Variants in ANKRD29 observed in about 807,000 individuals in gnomAD.
ANKRD29 encodes ankyrin repeat domain 29.
ANKRD29 carries 32 observed loss-of-function variants against 38.0 expected under a neutral mutation model. The ratio of observed to expected loss-of-function variants is 0.84; its 90% CI spans 0.64 to 1.13. The LOEUF (loss-of-function observed/expected upper bound fraction) is 1.13, where lower values mean the gene tolerates loss of function less well. Ranked by LOEUF, ANKRD29 falls within the 50% of genes most tolerant of loss-of-function variation. The pLI is 0.00. For missense variants in ANKRD29, 357 were observed against 377.9 expected (o/e 0.94, Z 0.46); for synonymous variants, 135 against 152.4 (o/e 0.89, Z 0.84).
At chr18:23,657,822 G>A (rs1179985152) in intron 1 of ANKRD29, among the ~76,000 whole-genome samples, 2 of 152,130 alleles carry the variant, frequency 1.3e-5, no homozygotes, top group African/African-American at 4.8e-5. Flanking sequence ...TGGACTAAAT[G>A]CTTGTGTTCC....
At chr18:23,634,278 G>GTTTTTTTTT (rs71163626) in intron 4 of ANKRD29, 129 bp from the exon 5 acceptor site, 15 of 373,182 alleles carry the variant, frequency 4.0e-5, no homozygotes, top group South Asian at 6.0e-5. Context: ...CACTTTCCCT[G>GTTTTTTTTT]TTTTTTTTTT....
Position 23,610,748 on chromosome 18 carries a change from T to TCACTG in ANKRD29, c.822+1339_822+1343dup, listed in dbSNP as rs112284850. Among the ~76,000 whole-genome samples the TCACTG allele has an allele frequency of 9.6e-3, 1,463 of 152,358 alleles. 23 individuals are homozygous for TCACTG. The highest frequency in any genetic ancestry group is 0.029 in the African/African-American group (1,223 of 41,588). On this transcript the variant is annotated intron_variant, in intron 9 of 9. Transcript: ENST00000592179. ...TGGATTGCAGTGGCGTGACCATGGC[T>TCACTG]CACTGCACCCTTGACCTCCTTGGCT... is the stretch of plus-strand genomic sequence containing the variant.
rs1348077159 is a variant in ANKRD29 at position 23,600,608 on chromosome 18, A to G, written c.*618T>C. 1 of 152,664 alleles carries G rather than the reference A, an allele frequency of 6.6e-6. No homozygotes were observed. Among genetic ancestry groups the G allele is most frequent in the Non-Finnish European group, 1.5e-5 (1 of 68,038 alleles). The allele number at this position is 152,664 out of a possible 1,614,324, so 9.5% of individuals were successfully genotyped here. On this transcript the variant is annotated 3_prime_UTR_variant, in exon 10 of 10. Transcript: ENST00000592179. ...AACAAATGCACAGTCTGTCTTTTCTATAGTTCAATAGTCCATCTTTGAATA... is the reference window on the plus strand; with the variant it reads ...AACAAATGCACAGTCTGTCTTTTCTGTAGTTCAATAGTCCATCTTTGAATA...
At chr18:23,629,353 T>C (rs2059900989) in intron 6 of ANKRD29, among the ~76,000 whole-genome samples, 1 of 152,244 alleles carries the variant, frequency 6.6e-6, no homozygotes, top group African/African-American at 2.4e-5. Context: ...GTAAATGAAG[T>C]CTCAACAGCA....
chr18:23,632,341 C>T (rs1598497876), intron 5 of ANKRD29, among the ~76,000 whole-genome samples: 2 of 151,830 alleles, frequency 1.3e-5, no homozygotes, highest in East Asian at 3.9e-4. Flanking sequence ...CCCCGCCCAT[C>T]CATATTTCAA....
Position 23,612,142 on chromosome 18 carries a change from T to G in ANKRD29, c.772A>C (p.Thr258Pro), listed in dbSNP as rs1162865378. 1 of 1,613,854 alleles carries G rather than the reference T, an allele frequency of 6.2e-7. No individual in the cohort carries two copies. The highest frequency in any genetic ancestry group is 8.5e-7 in the Non-Finnish European group (1 of 1,179,978). Residue 258 changes from threonine to proline, a missense_variant, in exon 9 of 10, where the codon ACA (threonine) becomes CCA (proline). Physicochemically the swap from Thr to Pro is conservative, Grantham distance 38. Transcript: ENST00000592179. ...HAAVLSGNIK[T>P]VALLLEAGAD... The stretch of plus-strand genomic sequence containing the variant: ...CCTGCTTCTAGGAGCAGCGCAACTG[T>G]TTTAATGTTTCCACTGAGCACTGCT...
intron 6 of ANKRD29, among the ~76,000 whole-genome samples, chr18:23,620,755 G>T (rs729661): frequency 0.043 from 6,567 of 152,234 alleles, 412 homozygotes; most frequent in Admixed American, 0.17. Flanking sequence ...AGATAGGAGA[G>T]AAATGGCCGT....
intron 9 of ANKRD29, among the ~76,000 whole-genome samples, chr18:23,605,816 C>T (rs754788251): frequency 3.9e-5 from 6 of 151,988 alleles, no homozygotes; most frequent in African/African-American, 7.3e-5. Flanking sequence ...CATGAGCCAC[C>T]GCACCCAGCC....
intron 1 of ANKRD29, among the ~76,000 whole-genome samples, chr18:23,659,838 C>T (rs1472890660): frequency 6.6e-6 from 1 of 151,976 alleles, no homozygotes. Flanking sequence ...CGGCCAGGCG[C>T]GGTGGCCCAC....
chr18:23,657,217 A>C (rs2060295960), intron 1 of ANKRD29, among the ~76,000 whole-genome samples: 1 of 152,144 alleles, frequency 6.6e-6, no homozygotes, highest in Admixed American at 6.5e-5. Flanking sequence ...TACCTACCCC[A>C]AATCCTGACT....
chr18:23,659,136 G>A (rs1285816777), intron 1 of ANKRD29, among the ~76,000 whole-genome samples: 4 of 152,048 alleles, frequency 2.6e-5, no homozygotes. Context: ...CACCTGCCAT[G>A]ACGTCCAGCT....
intron 4 of ANKRD29, among the ~76,000 whole-genome samples, chr18:23,634,435 G>A (rs1339714334): frequency 1.3e-5 from 2 of 151,650 alleles, no homozygotes; most frequent in African/African-American, 2.4e-5. Context: ...GACTACAGGC[G>A]TGCACCACCA....
At chr18:23,643,051 T>C (rs2060097812) in intron 3 of ANKRD29, among the ~76,000 whole-genome samples, 1 of 152,166 alleles carries the variant, frequency 6.6e-6, no homozygotes, top group South Asian at 2.1e-4. Flanking sequence ...CTAAACAAAC[T>C]TCCTCTTTGC....
At chr18:23,612,650 G>T (rs1467113304) in intron 8 of ANKRD29, among the ~76,000 whole-genome samples, 4 of 152,210 alleles carry the variant, frequency 2.6e-5, no homozygotes, top group African/African-American at 9.6e-5. Context: ...GACACTCTGA[G>T]CACTCAGGTG....
intron 1 of ANKRD29, among the ~76,000 whole-genome samples, chr18:23,658,695 T>C (rs150589170): frequency 4.6e-5 from 7 of 152,310 alleles, no homozygotes; most frequent in African/African-American, 1.2e-4. Context: ...TAATGCCCAG[T>C]GTAATGATTT....
chr18:23,657,277 T>C (rs2060297066), intron 1 of ANKRD29, among the ~76,000 whole-genome samples: 1 of 152,210 alleles, frequency 6.6e-6, no homozygotes, highest in Admixed American at 6.5e-5. Flanking sequence ...CTCACCTCCT[T>C]TCCCTTTAGC....
At chr18:23,648,553 GCTCT>G (rs2060168863) in intron 2 of ANKRD29, 1 of 203,872 alleles carries the variant, frequency 4.9e-6, no homozygotes, top group African/African-American at 2.3e-5. Context: ...GGATGGAAAA[GCTCT>G]CTAAGTGGTA....
intron 6 of ANKRD29, chr18:23,619,937 CT>C (rs1461082222): frequency 1.2e-5 from 4 of 334,930 alleles, no homozygotes; most frequent in African/African-American, 8.7e-5. Context: ...GTGGTACAGA[CT>C]TCATGGAAAG....
At chr18:23,638,681 A>G (rs2060034015) in intron 4 of ANKRD29, among the ~76,000 whole-genome samples, 168 bp downstream of exon 4, 1 of 152,262 alleles carries the variant, frequency 6.6e-6, no homozygotes, top group Non-Finnish European at 1.5e-5. Context: ...TAGAACCCTT[A>G]GAGCTACCCC....
Sources: gnomAD v4.1 joint callset for allele counts (sites outside exome capture counted in the v4.1 genomes callset) on GRCh38, gnomAD v4.1.1 for gene constraint, MANE v1.5 for transcripts, NCBI Gene and HGNC (gene_info 2026-07-23, HGNC 2026-07-21) for gene names.